ATP2C1: variants seen among roughly 807,000 people sequenced by gnomAD.
ATP2C1 encodes calcium-transporting ATPase type 2C member 1.
A neutral mutation model predicts 120.5 loss-of-function variants in ATP2C1; 31 were observed. The ratio of observed to expected loss-of-function variants is 0.26; its 90% CI spans 0.19 to 0.35. The LOEUF (loss-of-function observed/expected upper bound fraction) is 0.35, where lower values mean the gene tolerates loss of function less well. ATP2C1 is among the 10% of genes least tolerant of loss of function. ATP2C1 has a pLI of 1.00. For synonymous variants in ATP2C1, 351 were observed against 358.7 expected (o/e 0.98, Z 0.24); for missense variants, 731 against 1,107.5 (o/e 0.66, Z 4.83).
intron 8 of ATP2C1, among the ~76,000 whole-genome samples, chr3:130,942,303 C>A (rs2059958217): frequency 6.6e-6 from 1 of 152,194 alleles, no homozygotes; most frequent in African/African-American, 2.4e-5. Flanking sequence ...CTAGGCTTAA[C>A]TTCAGATTTT....
intron 22 of ATP2C1, among the ~76,000 whole-genome samples, chr3:130,995,145 A>G (rs2062549380): frequency 6.6e-6 from 1 of 152,086 alleles, no homozygotes; most frequent in Non-Finnish European, 1.5e-5. Flanking sequence ...TGGGCAGGGT[A>G]CCTCATGCCT....
At chr3:130,965,086 C>T in intron 14 of ATP2C1, 41 bp downstream of exon 14, 1 of 1,396,546 alleles carries the variant, frequency 7.2e-7, no homozygotes, top group Non-Finnish European at 1.0e-6. Flanking sequence ...AACAGTATCC[C>T]TTTAAGAAAC....
At chr3:130,947,397 C>T (rs188013039) in intron 8 of ATP2C1, among the ~76,000 whole-genome samples, 1 of 152,280 alleles carries the variant, frequency 6.6e-6, no homozygotes, top group East Asian at 1.9e-4. Flanking sequence ...GCATTTTCAT[C>T]ACTCTCAAAG....
At chr3:130,897,941 T>A (rs906922649) in intron 2 of ATP2C1, among the ~76,000 whole-genome samples, 2 of 152,226 alleles carry the variant, frequency 1.3e-5, no homozygotes, top group Non-Finnish European at 2.9e-5. Context: ...CAGATCCCGC[T>A]TAGGCATCTT....
chr3:130,936,368 A>G (rs1003778806), intron 5 of ATP2C1, among the ~76,000 whole-genome samples: 3 of 152,218 alleles, frequency 2.0e-5, no homozygotes, highest in African/African-American at 7.2e-5. Context: ...AATGCAAGAT[A>G]GGTCAATGGA....
intron 1 of ATP2C1, among the ~76,000 whole-genome samples, chr3:130,857,503 C>A (rs908434627): frequency 6.6e-6 from 1 of 152,218 alleles, no homozygotes; most frequent in Admixed American, 6.5e-5. Context: ...TCTTTCACCA[C>A]CCTAGCCCAA....
At chr3:130,941,252 G>GTGTCTGTC (rs1553764220) in intron 7 of ATP2C1, among the ~76,000 whole-genome samples, 1 of 144,274 alleles carries the variant, frequency 6.9e-6, no homozygotes, top group East Asian at 2.0e-4. Context: ...GTGTGTGTGT[G>GTGTCTGTC]TGTGTGTGTG....
At chr3:130,992,245 G>A (rs1308074767) in intron 20 of ATP2C1, among the ~76,000 whole-genome samples, 1 of 151,626 alleles carries the variant, frequency 6.6e-6, no homozygotes, top group Non-Finnish European at 1.5e-5. Flanking sequence ...AGTGTTTTGT[G>A]GAAACACTAG....
At chr3:131,000,829 G>A (rs1290648088) in intron 27 of ATP2C1, among the ~76,000 whole-genome samples, 4 of 152,056 alleles carry the variant, frequency 2.6e-5, no homozygotes, top group East Asian at 3.9e-4. Context: ...GTGGCCAGGC[G>A]CCATGCCTCA....
chr3:130,988,025 C>T (rs1461667108), intron 20 of ATP2C1, among the ~76,000 whole-genome samples: 1 of 152,142 alleles, frequency 6.6e-6, no homozygotes, highest in African/African-American at 2.4e-5. Context: ...CTGATTTTTA[C>T]AGCATTACTT....
At chr3:130,948,388 C>T (rs2060233909) in intron 8 of ATP2C1, among the ~76,000 whole-genome samples, 1 of 151,498 alleles carries the variant, frequency 6.6e-6, no homozygotes, top group Admixed American at 6.6e-5. Flanking sequence ...TCTTTTTGGC[C>T]TCTGTGGTTT....
chr3:130,854,543 C>T (rs941677342), intron 1 of ATP2C1, among the ~76,000 whole-genome samples: 1 of 152,184 alleles, frequency 6.6e-6, no homozygotes, highest in East Asian at 1.9e-4. Context: ...GACTCAGCAG[C>T]CTGATCTGTG....
At position 131,001,542 on chromosome 3, in the gene ATP2C1, T is replaced by C. The variant is rs2062886096; in HGVS notation, c.*192T>C. ...ATGAAATTATGCAACTTTGATATCATATTCCTTGATTTAAATTGGCTTTTG... is the reference window on the plus strand; with the variant it reads ...ATGAAATTATGCAACTTTGATATCACATTCCTTGATTTAAATTGGCTTTTG... On this transcript the variant is annotated 3_prime_UTR_variant, in exon 28 of 28. Coordinates refer to ENST00000510168, the MANE Select transcript of ATP2C1 (RefSeq NM_001378687.1). The C allele has an allele frequency of 2.3e-6, 3 of 1,295,892 alleles. No individual in the cohort carries two copies. In the African/African-American group the frequency reaches 4.5e-5, roughly 20 times the overall value. 80.3% of individuals were successfully genotyped at this position (1,295,892 alleles called of 1,614,324 possible). A position where few individuals can be genotyped will look rare whatever the true frequency, so the allele number is the denominator to read the frequency against.
intron 2 of ATP2C1, among the ~76,000 whole-genome samples, chr3:130,925,820 G>A (rs867460230): frequency 1.3e-5 from 2 of 152,046 alleles, no homozygotes; most frequent in South Asian, 4.2e-4. Context: ...GGGTGAGGGT[G>A]TGGTTCCCAG....
At chr3:131,010,563 T>C (rs1438917799) in intron 26 of ATP2C1, among the ~76,000 whole-genome samples, 1 of 152,172 alleles carries the variant, frequency 6.6e-6, no homozygotes, top group Non-Finnish European at 1.5e-5. Context: ...CAGAAAACTC[T>C]CTGAACATAG....
intron 18 of ATP2C1, among the ~76,000 whole-genome samples, chr3:130,976,889 G>A (rs1206825188): frequency 6.6e-6 from 1 of 152,188 alleles, no homozygotes; most frequent in Non-Finnish European, 1.5e-5. Flanking sequence ...TGACACTCTG[G>A]ATAATTGAGC....
At chr3:131,015,068 C>T (rs976508660) in intron 26 of ATP2C1, 6 of 499,976 alleles carry the variant, frequency 1.2e-5, no homozygotes, top group South Asian at 3.5e-5. Context: ...AATTATTAAA[C>T]GAAAGAAATA....
At chr3:130,893,880 C>T, upstream of ATP2C1, 4 of 978,006 alleles carry the variant, frequency 4.1e-6, no homozygotes, top group Non-Finnish European at 4.9e-6. Context: ...GATCCAAACC[C>T]AAACATTGTC....
Position 130,964,833 on chromosome 3 carries a change from G to A in ATP2C1, c.1025-115G>A, listed in dbSNP as rs917192284. ...TTAATCTAAAATTAACAATGAGTTT[G>A]ATTTCTATAAAATTCAGAGAAGTAG... is the stretch of plus-strand genomic sequence containing the variant. On this transcript the variant is annotated intron_variant, in intron 13 of 27. Transcript: ENST00000510168. 5.9e-5 allele frequency: 41 copies of A among 691,506 alleles called. No homozygotes were observed. The East Asian group carries it at 1.1e-3, about 18-fold the overall frequency. 42.8% of individuals were successfully genotyped at this position (691,506 alleles called of 1,614,324 possible). A position where few individuals can be genotyped will look rare whatever the true frequency, so the allele number is the denominator to read the frequency against.
Sources: gnomAD v4.1 joint callset for allele counts (sites outside exome capture counted in the v4.1 genomes callset) on GRCh38, gnomAD v4.1.1 for gene constraint, MANE v1.5 for transcripts, NCBI Gene and HGNC (gene_info 2026-07-23, HGNC 2026-07-21) for gene names.